HDAC9: variants seen among roughly 807,000 people sequenced by gnomAD.
HDAC9 encodes MEF-2 interacting transcription repressor (MITR) protein.
A neutral mutation model predicts 139.4 loss-of-function variants in HDAC9; 41 were observed. That is an observed-to-expected ratio of 0.29 (90% CI 0.23 to 0.38). HDAC9 has a LOEUF of 0.38. Ranked by LOEUF, HDAC9 falls within the 10% of genes least tolerant of loss-of-function variation. The pLI, the probability that HDAC9 is intolerant of heterozygous loss-of-function variation, is 1.00. For synonymous variants in HDAC9, 517 were observed against 476.2 expected, an observed-to-expected ratio of 1.09 and a Z score of -1.12; for missense variants, 1,147 against 1,297.0, an observed-to-expected ratio of 0.88 and a Z score of 1.78.
chr7:18,652,108 TA>T (rs1789467925), intron 11 of HDAC9, among the ~76,000 whole-genome samples: 1 of 152,158 alleles, frequency 6.6e-6, no homozygotes, highest in Non-Finnish European at 1.5e-5. Flanking sequence ...CTATTGCTAA[TA>T]TATGGTATTA....
chr7:18,568,030 A>ATATATATATATATATATATATATATAT (rs1563310813), intron 2 of HDAC9, among the ~76,000 whole-genome samples: 1 of 92,100 alleles, frequency 1.1e-5, no homozygotes, highest in Non-Finnish European at 2.1e-5. Context: ...GTATATGTAT[A>ATATATATATATATATATATATATATAT]TATATATATA....
intron 2 of HDAC9, among the ~76,000 whole-genome samples, chr7:18,568,832 G>C (rs552261478): frequency 6.8e-4 from 103 of 152,224 alleles, no homozygotes; most frequent in Middle Eastern, 3.4e-3. Flanking sequence ...TGGATCACCT[G>C]AGGTTGGGAG....
intron 1 of HDAC9, among the ~76,000 whole-genome samples, chr7:18,421,715 A>G (rs1042824846): frequency 3.3e-5 from 5 of 152,150 alleles, no homozygotes; most frequent in Non-Finnish European, 5.9e-5. Flanking sequence ...AGTTTACCTC[A>G]CAAGTAAGCA....
intron 16 of HDAC9, among the ~76,000 whole-genome samples, chr7:18,777,800 A>C (rs1305672836): frequency 6.6e-6 from 1 of 151,998 alleles, no homozygotes; most frequent in Non-Finnish European, 1.5e-5. Flanking sequence ...GGTGCCCTAG[A>C]TTAGGCTGGG....
chr7:18,384,823 G>A (rs181948482), intron 1 of HDAC9, among the ~76,000 whole-genome samples: 27 of 152,100 alleles, frequency 1.8e-4, no homozygotes, highest in Admixed American at 6.5e-4. Context: ...ATCAGCAGAA[G>A]GGGGTTTATT....
intron 2 of HDAC9, chr7:18,578,101 G>T (rs960411172): frequency 1.2e-5 from 6 of 518,376 alleles, no homozygotes; most frequent in African/African-American, 5.8e-5. Flanking sequence ...AGAGTGCTCT[G>T]CTCCAGACCT....
At chr7:18,828,115 C>G (rs1212133863) in intron 17 of HDAC9, among the ~76,000 whole-genome samples, 2 of 151,918 alleles carry the variant, frequency 1.3e-5, no homozygotes, top group African/African-American at 4.8e-5. Flanking sequence ...CCATAACATT[C>G]TGGAAAGATA....
In HDAC9 at chr7:18,516,743, C is replaced by G. The variant is rs540849826; in HGVS notation, c.22+20419C>G. Among the ~76,000 whole-genome samples, 36 of 151,982 alleles carry G rather than the reference C, an allele frequency of 2.4e-4. No individual in the cohort carries two copies. In the South Asian group the frequency reaches 7.5e-3, roughly 32 times the overall value. Reference sequence around the variant, plus strand: ...AGGCGTGGTGGTGTGTGCCTGTAGTCCCAGCTACTTGGGAGGCTGAGGCAG... The same window carrying G: ...AGGCGTGGTGGTGTGTGCCTGTAGTGCCAGCTACTTGGGAGGCTGAGGCAG... On this transcript the variant is annotated intron_variant, in intron 2 of 25. Coordinates refer to ENST00000686413, the MANE Select transcript of HDAC9 (RefSeq NM_178425.4).
intron 2 of HDAC9, among the ~76,000 whole-genome samples, chr7:18,576,980 C>T (rs2128761473): frequency 6.6e-6 from 1 of 152,302 alleles, no homozygotes. Context: ...CCATTAGTTT[C>T]CCATTCCATG....
At chr7:18,269,144 C>A (rs918108391) in intron 2 of HDAC9, among the ~76,000 whole-genome samples, 1 of 152,054 alleles carries the variant, frequency 6.6e-6, no homozygotes, top group African/African-American at 2.4e-5. Flanking sequence ...TGCTTCAGGG[C>A]TTATAGCAAA....
At position 18,638,443 on chromosome 7, in the gene HDAC9, A is replaced by G. The variant is rs189800791; in HGVS notation, c.912+3701A>G. On this transcript the variant is annotated intron_variant, in intron 8 of 25. Coordinates refer to ENST00000686413, the MANE Select transcript of HDAC9 (RefSeq NM_178425.4). ...GAAATAGCACATTGTAGTAGAATGT[A>G]TGGGTGTTCCATTCAGAAGACTCAG... Among the ~76,000 whole-genome samples the G allele has an allele frequency of 2.0e-5, 3 of 152,204 alleles. No individual in the cohort carries two copies. In the East Asian group the frequency reaches 5.8e-4, roughly 30 times the overall value.
Position 18,666,077 on chromosome 7 carries a change from C to G in HDAC9, c.1468-136C>G, listed in dbSNP as rs1794782328. On this transcript the variant is annotated intron_variant, in intron 11 of 25. Transcript: ENST00000686413. ...TAGTATTACTGAGGAAACTTGTTGC[C>G]TACAAGTTCATTCTGAAATTTATGT... 5 of 956,342 alleles carry G rather than the reference C, an allele frequency of 5.2e-6. No homozygotes were observed. In the Admixed American group the frequency reaches 1.4e-4, roughly 28 times the overall value. 59.2% of individuals were successfully genotyped at this position (956,342 alleles called of 1,614,324 possible).
intron 1 of HDAC9, among the ~76,000 whole-genome samples, chr7:18,310,822 ACACACACAC>A (rs1799263332): frequency 1.3e-5 from 2 of 149,902 alleles, no homozygotes; most frequent in African/African-American, 5.0e-5. Flanking sequence ...ACACACACAC[ACACACACAC>A]ACACACACAC....
intron 6 of HDAC9, among the ~76,000 whole-genome samples, chr7:18,620,839 T>C (rs945578919): frequency 6.6e-6 from 1 of 152,206 alleles, no homozygotes; most frequent in African/African-American, 2.4e-5. Context: ...ATGACCATTT[T>C]TTTTCCCGAT....
intron 2 of HDAC9, among the ~76,000 whole-genome samples, chr7:18,174,079 T>C (rs1423611850): frequency 6.6e-6 from 1 of 152,224 alleles, no homozygotes; most frequent in Non-Finnish European, 1.5e-5. Context: ...CACTTTCAGG[T>C]ACACCAATCA....
intron 2 of HDAC9, among the ~76,000 whole-genome samples, chr7:18,566,369 C>T (rs1822351267): frequency 6.6e-6 from 1 of 152,200 alleles, no homozygotes; most frequent in African/African-American, 2.4e-5. Flanking sequence ...ATCCCGCTTG[C>T]TTCCTAGTAC....
At chr7:18,908,792 C>T (rs2129287834) in intron 22 of HDAC9, among the ~76,000 whole-genome samples, 1 of 152,170 alleles carries the variant, frequency 6.6e-6, no homozygotes. Flanking sequence ...CACATTTTCT[C>T]TATCCATTCA....
chr7:18,652,719 A>T (rs376683305), intron 11 of HDAC9, among the ~76,000 whole-genome samples: 2 of 152,120 alleles, frequency 1.3e-5, no homozygotes, highest in African/African-American at 4.8e-5. Flanking sequence ...CTTTATTAAT[A>T]TCTGTTTTTC....
In HDAC9 at chr7:18,425,135, A is replaced by T. The variant is rs78128150; in HGVS notation, c.-41-71127A>T. Among the ~76,000 whole-genome samples the T allele has an allele frequency of 5.8e-3, 877 of 152,274 alleles. 7 individuals carry two copies. The highest frequency in any genetic ancestry group is 0.021 in the African/African-American group (852 of 41,552). On this transcript the variant is annotated intron_variant, in intron 1 of 3. Coordinates refer to the HDAC9 transcript ENST00000413509. Reference sequence around the variant, plus strand: ...CATAAAATAGCATGCAGCAAGTTGAACCTTGGCTTTTTCTGAAGTTAATTG... The same window carrying T: ...CATAAAATAGCATGCAGCAAGTTGATCCTTGGCTTTTTCTGAAGTTAATTG...
Sources: allele counts gnomAD v4.1 joint callset (sites outside exome capture counted in the v4.1 genomes callset), GRCh38; gene constraint gnomAD v4.1.1; transcripts MANE v1.5; gene names NCBI Gene and HGNC (gene_info 2026-07-23, HGNC 2026-07-21).